ANKS1B: variants seen among roughly 807,000 people sequenced by gnomAD.
The protein encoded by ANKS1B is ankyrin repeat and sterile alpha motif domain-containing protein 1B.
ANKS1B carries 36 observed loss-of-function variants against 148.3 expected under a neutral mutation model. That is an observed-to-expected ratio of 0.24 (90% CI 0.19 to 0.32). The LOEUF (loss-of-function observed/expected upper bound fraction) is 0.32. Ranked by LOEUF, ANKS1B falls within the 10% of genes least tolerant of loss-of-function variation. The probability of loss-of-function intolerance (pLI) is 1.00; values close to 1 mark genes in which losing one functional copy is unlikely to be tolerated. For synonymous variants in ANKS1B, 542 were observed against 560.8 expected (o/e 0.97, Z 0.47); for missense variants, 1,157 against 1,542.6 (o/e 0.75, Z 4.19).
intron 9 of ANKS1B, among the ~76,000 whole-genome samples, chr12:99,619,809 T>A (rs1431530998): frequency 6.6e-6 from 1 of 152,138 alleles, no homozygotes; most frequent in Admixed American, 6.5e-5. Flanking sequence ...CATTTCTGGG[T>A]GCTTGGAGGC....
intron 17 of ANKS1B, chr12:98,895,085 C>T: frequency 1.0e-6 from 1 of 975,380 alleles, no homozygotes; most frequent in Non-Finnish European, 1.2e-6. Context: ...CCGGGGTGGG[C>T]GGCGAGGCGG....
At chr12:99,716,565 C>T (rs1219975281) in intron 8 of ANKS1B, among the ~76,000 whole-genome samples, 1 of 152,146 alleles carries the variant, frequency 6.6e-6, no homozygotes, top group East Asian at 1.9e-4. Context: ...GACCCCAATA[C>T]AAACTCAACA....
chr12:99,526,804 C>T (rs932017376), intron 9 of ANKS1B, among the ~76,000 whole-genome samples: 7 of 152,170 alleles, frequency 4.6e-5, no homozygotes, highest in African/African-American at 1.7e-4. Context: ...CCAAAATTCA[C>T]GTGTCAAAGT....
At chr12:98,954,518 T>C (rs1271575968) in intron 17 of ANKS1B, 2 of 152,200 alleles carry the variant, frequency 1.3e-5, no homozygotes, top group African/African-American at 4.8e-5. Flanking sequence ...AGCAAACCAA[T>C]AGGAGTGCTA....
intron 9 of ANKS1B, among the ~76,000 whole-genome samples, chr12:99,532,598 G>A (rs534130306): frequency 2.4e-4 from 37 of 152,220 alleles, no homozygotes; most frequent in Admixed American, 3.9e-4. Flanking sequence ...CTGACCTCGT[G>A]AGCCACCCAC....
At position 99,263,341 on chromosome 12, in the gene ANKS1B, TA is replaced by T. The variant is rs2076118799; in HGVS notation, c.1757-16478del. ...AGTCTGGGTTGTAAAGTGCTGATAC[TA>T]TATTACTGTATATTTTATACCTTCT... On this transcript the variant is annotated intron_variant, in intron 12 of 26. Coordinates refer to ENST00000683438, the MANE Select transcript of ANKS1B (RefSeq NM_001352186.2). Among the ~76,000 whole-genome samples the T allele has an allele frequency of 1.1e-4, 16 of 152,260 alleles. No homozygotes were observed. The South Asian group carries it at 3.3e-3, about 32-fold the overall frequency.
At chr12:98,864,800 C>A (rs2099616340) in intron 17 of ANKS1B, among the ~76,000 whole-genome samples, 1 of 152,178 alleles carries the variant, frequency 6.6e-6, no homozygotes, top group African/African-American at 2.4e-5. Context: ...CTCTTTCCAT[C>A]CCTTCAACAC....
intron 8 of ANKS1B, among the ~76,000 whole-genome samples, chr12:99,704,973 T>C (rs1227552414): frequency 1.3e-5 from 2 of 152,004 alleles, no homozygotes; most frequent in African/African-American, 2.4e-5. Context: ...CTGGATGCTA[T>C]AAAGTAGTTA....
At chr12:99,310,723 C>T (rs1320721537) in intron 12 of ANKS1B, among the ~76,000 whole-genome samples, 3 of 152,266 alleles carry the variant, frequency 2.0e-5, no homozygotes, top group East Asian at 1.9e-4. Context: ...CCCTATAGAT[C>T]TTGGGAGTTG....
At chr12:98,825,889 G>A (rs2099245098) in intron 19 of ANKS1B, among the ~76,000 whole-genome samples, 1 of 152,160 alleles carries the variant, frequency 6.6e-6, no homozygotes, top group South Asian at 2.1e-4. Flanking sequence ...GCCATGTGCT[G>A]TACACACATT....
intron 1 of ANKS1B, among the ~76,000 whole-genome samples, chr12:99,967,364 G>A (rs968043399): frequency 2.0e-5 from 3 of 152,110 alleles, no homozygotes; most frequent in African/African-American, 7.2e-5. Flanking sequence ...AGCGCCAAAT[G>A]TCCTTTCAGT....
At chr12:98,813,701 T>C (rs1379942770) in intron 19 of ANKS1B, among the ~76,000 whole-genome samples, 1 of 151,272 alleles carries the variant, frequency 6.6e-6, no homozygotes, top group African/African-American at 2.4e-5. Context: ...ATCACAGGTG[T>C]GAACCACCTC....
At chr12:99,821,682 T>A (rs2082522178) in intron 2 of ANKS1B, among the ~76,000 whole-genome samples, 1 of 152,004 alleles carries the variant, frequency 6.6e-6, no homozygotes, top group African/African-American at 2.4e-5. Flanking sequence ...GTAGTATGCC[T>A]CAAATGAAAG....
chr12:98,894,819 G>A (rs1419505893), intron 17 of ANKS1B: 1 of 983,416 alleles, frequency 1.0e-6, no homozygotes, highest in Non-Finnish European at 1.2e-6. Flanking sequence ...GGAGAGGCGC[G>A]GAGCTTGGCC....
At chr12:99,147,208 C>T (rs975097715) in intron 15 of ANKS1B, among the ~76,000 whole-genome samples, 1 of 152,006 alleles carries the variant, frequency 6.6e-6, no homozygotes, top group African/African-American at 2.4e-5. Flanking sequence ...GAGTTCCTAA[C>T]CCATACTTGG....
chr12:98,955,896 T>C lies in ANKS1B; in HGVS notation c.2778+97261A>G, dbSNP rs147652387. On this transcript the variant is annotated intron_variant, in intron 17 of 26. Coordinates refer to ENST00000683438, the MANE Select transcript of ANKS1B (RefSeq NM_001352186.2). Reference sequence around the variant, plus strand: ...TGGAATGAACGAATAACCAGGATCTTAATCAAGTGTTTAACTCCCTTAAAC... The same window carrying C: ...TGGAATGAACGAATAACCAGGATCTCAATCAAGTGTTTAACTCCCTTAAAC... 3.3e-5 allele frequency among the ~76,000 whole-genome samples: 5 copies of C among 152,304 alleles called. No homozygotes were observed. The East Asian group carries it at 9.7e-4, about 29-fold the overall frequency.
At chr12:99,740,830 G>C (rs540035704) in intron 8 of ANKS1B, among the ~76,000 whole-genome samples, 2 of 152,128 alleles carry the variant, frequency 1.3e-5, no homozygotes, top group Non-Finnish European at 2.9e-5. Flanking sequence ...AAGAGAAGCC[G>C]TGAGGGACTA....
intron 15 of ANKS1B, among the ~76,000 whole-genome samples, chr12:99,091,068 A>G (rs1326345146): frequency 6.6e-6 from 1 of 152,150 alleles, no homozygotes; most frequent in African/African-American, 2.4e-5. Flanking sequence ...TCATGTTTTT[A>G]GCTTATGAAG....
At chr12:99,365,955 T>G (rs1251262118) in intron 12 of ANKS1B, among the ~76,000 whole-genome samples, 2 of 152,194 alleles carry the variant, frequency 1.3e-5, no homozygotes, top group African/African-American at 2.4e-5. Flanking sequence ...AAATAAACAA[T>G]TTTTTACATC....
Sources: allele counts gnomAD v4.1 joint callset (sites outside exome capture counted in the v4.1 genomes callset), GRCh38; gene constraint gnomAD v4.1.1; transcripts MANE v1.5; gene names NCBI Gene and HGNC (gene_info 2026-07-23, HGNC 2026-07-21).